Variants in ZFP36L1 observed in about 807,000 individuals in gnomAD.
ZFP36L1 encodes mRNA decay activator protein ZFP36L1.
ZFP36L1 carries 4 observed loss-of-function variants against 16.7 expected under a neutral mutation model. The ratio of observed to expected loss-of-function variants is 0.24; its 90% CI spans 0.12 to 0.55. ZFP36L1 has a LOEUF of 0.55. Ranked by LOEUF, ZFP36L1 falls within the 20% of genes least tolerant of loss-of-function variation. The probability of loss-of-function intolerance (pLI) is 0.94; values close to 1 mark genes in which losing one functional copy is unlikely to be tolerated. For missense variants in ZFP36L1, 311 were observed against 449.2 expected, an observed-to-expected ratio of 0.69 and a Z score of 2.78; for synonymous variants, 220 against 190.8, an observed-to-expected ratio of 1.15 and a Z score of -1.26.
upstream of ZFP36L1, chr14:68,795,917 C>T: frequency 9.4e-7 from 1 of 1,068,368 alleles, no homozygotes; most frequent in Non-Finnish European, 1.3e-6. Context: ...CGCCCTCGCC[C>T]AGACGTGGTC....
upstream of ZFP36L1, chr14:68,796,038 C>T (rs1193381591): frequency 3.1e-5 from 41 of 1,331,978 alleles, no homozygotes; most frequent in Non-Finnish European, 4.1e-5. Flanking sequence ...CCTCCCGCTC[C>T]TTACCCGCGC....
Position 68,790,434 on chromosome 14 carries a change from T to C in ZFP36L1, c.116A>G (p.Lys39Arg), listed in dbSNP as rs1216716065. The stretch of plus-strand genomic sequence containing the variant: ...CCCACCAGCAGGGGTGCCCACTGCC[T>C]TTCTGTCCAGCAGGCAACCCCCTGC... Reference protein sequence around the residue: ...PSAGGCLLDRKAVGTPAGGGF... With the variant: ...PSAGGCLLDRRAVGTPAGGGF... Residue 39 changes from lysine to arginine, a missense_variant, in exon 2 of 2, where the codon AAG becomes AGG. By Grantham distance (26) the Lys-to-Arg change is conservative. This residue lies in a region of ZFP36L1 where 137 missense variants were observed against 142.6 expected (regional missense o/e 0.96). Transcript: ENST00000439696. 7 of 1,614,026 alleles carry C rather than the reference T, an allele frequency of 4.3e-6. No individual in the cohort carries two copies. The highest frequency in any genetic ancestry group is 5.9e-6 in the Non-Finnish European group (7 of 1,179,968).
At chr14:68,793,871 C>T (rs3825568), upstream of ZFP36L1, 449,422 of 983,874 alleles carry the variant, frequency 0.46, 104,365 homozygotes, top group East Asian at 0.77. Flanking sequence ...ATTTAGTGCG[C>T]CGCACGCGTC....
chr14:68,791,833 T>C (rs2140210896), intron 1 of ZFP36L1, among the ~76,000 whole-genome samples: 1 of 152,190 alleles, frequency 6.6e-6, no homozygotes, highest in East Asian at 1.9e-4. Context: ...CTCCTCGGCG[T>C]CCCTGCACCC....
chr14:68,794,907 T>C (rs1895208088), upstream of ZFP36L1, among the ~76,000 whole-genome samples: 4 of 152,174 alleles, frequency 2.6e-5, no homozygotes, highest in African/African-American at 9.7e-5. Context: ...CTTTCATTTG[T>C]CTCCTCTGCC....
upstream of ZFP36L1, chr14:68,795,667 A>C (rs1345382009): frequency 2.4e-6 from 1 of 413,708 alleles, no homozygotes; most frequent in Non-Finnish European, 4.9e-6. Context: ...CGGGCTCCGC[A>C]AGGCTGCGAC....
upstream of ZFP36L1, chr14:68,793,167 G>T (rs537221353): frequency 2.5e-6 from 3 of 1,185,394 alleles, no homozygotes; most frequent in African/African-American, 5.0e-5. Flanking sequence ...GGAGGAAAAA[G>T]AAGTTGATTG....
In ZFP36L1 at chr14:68,789,671, G is replaced by C; in HGVS notation, c.879C>G (p.Pro293=). The part of the protein sequence containing the change: ...SESPHMFDSP[P]SPQDSLSDQE... Reference sequence around the variant, plus strand: ...GGTCCGAGAGAGAATCCTGAGGGCTGGGGGGAGAGTCAAACATGTGAGGGG... The same window carrying C: ...GGTCCGAGAGAGAATCCTGAGGGCTCGGGGGAGAGTCAAACATGTGAGGGG... Residue 293 remains proline, a synonymous_variant, in exon 2 of 2, where the codon CCC becomes CCG. Transcript: ENST00000439696. The surrounding 1 kb of genome is among the most constrained non-coding windows in gnomAD (Gnocchi z 4.5). 1.2e-6 allele frequency: 2 copies of C among 1,613,866 alleles called. No individual in the cohort carries two copies. Among genetic ancestry groups the C allele is most frequent in the Non-Finnish European group, 1.7e-6 (2 of 1,179,878 alleles).
rs1198405913 is a variant in ZFP36L1, at chr14:68,789,492, G to GT, written c.*40dup. ...AGAGGGTATGGGATGTGGGTGCAGGGTAGGGGCTGGAGTAGGCAGGAGGTC... is the reference window on the plus strand; with the variant it reads ...AGAGGGTATGGGATGTGGGTGCAGGGTTAGGGGCTGGAGTAGGCAGGAGGTC... On this transcript the variant is annotated 3_prime_UTR_variant, in exon 2 of 2. Transcript: ENST00000439696. The surrounding 1 kb of genome is among the most constrained non-coding windows in gnomAD (Gnocchi z 4.5). 6.2e-7 allele frequency: 1 copy of GT among 1,611,454 alleles called. No individual in the cohort carries two copies.
upstream of ZFP36L1, chr14:68,794,195 A>T (rs1566561800): frequency 6.6e-6 from 1 of 152,504 alleles, no homozygotes; most frequent in Non-Finnish European, 1.5e-5. Context: ...CAATGAAAAA[A>T]GGTTACTTTG....
At position 68,790,516 on chromosome 14, in the gene ZFP36L1, G is replaced by T. The variant is rs577942514; in HGVS notation, c.58-24C>A. The T allele has an allele frequency of 1.1e-4, 171 of 1,612,530 alleles. 2 individuals carry two copies. The South Asian group carries it at 1.6e-3, about 15-fold the overall frequency. On this transcript the variant is annotated intron_variant, in intron 1 of 1. Coordinates refer to ENST00000439696, the MANE Select transcript of ZFP36L1 (RefSeq NM_004926.4). ...CCCTGGAGAGAGAAGAGAAAGGATGGTAAGGACAGAGGACATCCACCAGGA... is the reference window on the plus strand; with the variant it reads ...CCCTGGAGAGAGAAGAGAAAGGATGTTAAGGACAGAGGACATCCACCAGGA...
rs35559347 is a variant in ZFP36L1, at chr14:68,787,943, T to TC, written c.*1589dup. 2.1e-4 allele frequency: 32 copies of TC among 152,032 alleles called. No individual in the cohort carries two copies. Among genetic ancestry groups the TC allele is most frequent in the Admixed American group, 1.1e-3 (17 of 15,214 alleles). 9.4% of individuals were successfully genotyped at this position (152,032 alleles called of 1,614,324 possible). ...CAAAGGGTTTCTCTTTTTTTTTTTT[T>TC]CCCCTTTTAGAAGCTATACATAAAA... On this transcript the variant is annotated 3_prime_UTR_variant, in exon 2 of 2. Transcript: ENST00000439696.
At chr14:68,793,720 G>C (rs1895174636), upstream of ZFP36L1, 3 of 985,402 alleles carry the variant, frequency 3.0e-6, no homozygotes, top group South Asian at 1.4e-4. Context: ...TTAGAAATTT[G>C]GGACGCACAG....
At chr14:68,793,668 C>A (rs1025138920), upstream of ZFP36L1, 61 of 985,552 alleles carry the variant, frequency 6.2e-5, no homozygotes, top group Non-Finnish European at 7.2e-5. Flanking sequence ...GACTTCTCTT[C>A]GACACTCGGC....
At position 68,793,039 on chromosome 14, in the gene ZFP36L1, T is replaced by A. The variant is rs1273994594; in HGVS notation, c.-101A>T. On this transcript the variant is annotated 5_prime_UTR_variant, in exon 1 of 2. Coordinates refer to ENST00000439696, the MANE Select transcript of ZFP36L1 (RefSeq NM_004926.4). ...TCCTGTCTGGAGTCCCACACGCCAG[T>A]TCCCGGCGCCCCTCGCCTTTCTGAC... 3 of 1,597,614 alleles carry A rather than the reference T, an allele frequency of 1.9e-6. No homozygotes were observed. The South Asian group carries it at 3.3e-5, about 18-fold the overall frequency.
upstream of ZFP36L1, chr14:68,793,382 G>A (rs1253494587): frequency 5.0e-6 from 5 of 1,005,016 alleles, no homozygotes; most frequent in Non-Finnish European, 4.8e-6. Context: ...CGGCGCTTCA[G>A]GCGCCCCCTC....
upstream of ZFP36L1, chr14:68,796,059 C>G (rs1314584717): frequency 1.5e-6 from 2 of 1,342,928 alleles, no homozygotes; most frequent in Admixed American, 2.1e-5. Context: ...AGTCCCCAGG[C>G]TGGCCGCCGC....
chr14:68,795,439 C>G (rs554275372), upstream of ZFP36L1, among the ~76,000 whole-genome samples: 1 of 151,938 alleles, frequency 6.6e-6, no homozygotes, highest in Admixed American at 6.5e-5. Flanking sequence ...GCGGGCGGGG[C>G]CCCCTTCCCG....
rs780720973 is a variant in ZFP36L1 at position 68,789,623 on chromosome 14, G to A, written c.927C>T (p.Ser309=). 1 of 1,613,652 alleles carries A rather than the reference G, an allele frequency of 6.2e-7. No homozygotes were observed. Among genetic ancestry groups the A allele is most frequent in the Non-Finnish European group, 8.5e-7 (1 of 1,179,760 alleles). Residue 309 remains serine, a synonymous_variant, in exon 2 of 2, where the codon TCC becomes TCT. Transcript: ENST00000439696. The surrounding 1 kb of genome is among the most constrained non-coding windows in gnomAD (Gnocchi z 4.5). ...AGTCTGAGCCACTGTGGCTGCTGCTGGAGCTGCTCAGGTAGCCCTCCTGGT... is the reference window on the plus strand; with the variant it reads ...AGTCTGAGCCACTGTGGCTGCTGCTAGAGCTGCTCAGGTAGCCCTCCTGGT... ...LSDQEGYLSS[S]SSSHSGSDSP...
Sources: gnomAD v4.1 joint callset for allele counts (sites outside exome capture counted in the v4.1 genomes callset) on GRCh38, gnomAD v4.1.1 for gene constraint, gnomAD v4.1.1 regional missense constraint, Gnocchi (gnomAD v3.1) non-coding constraint, MANE v1.5 for transcripts, NCBI Gene and HGNC (gene_info 2026-07-23, HGNC 2026-07-21) for gene names.